The following ANKRD55 variants were observed in gnomAD, a reference collection of about 807,000 sequenced individuals.
ANKRD55 encodes the protein ankyrin repeat domain-containing protein 55.
Under a neutral mutation model 60.6 loss-of-function variants are expected in ANKRD55, and 41 were observed. That is an observed-to-expected ratio of 0.68 (90% CI 0.53 to 0.88). ANKRD55 has a LOEUF of 0.88. Among genes scored for constraint, ANKRD55 ranks in the 40% least tolerant of loss-of-function variants. The pLI, the probability that ANKRD55 is intolerant of heterozygous loss-of-function variation, is 0.00. For missense variants in ANKRD55, 732 were observed against 767.6 expected, an observed-to-expected ratio of 0.95 and a Z score of 0.55; for synonymous variants, 264 against 290.3, an observed-to-expected ratio of 0.91 and a Z score of 0.92.
chr5:56,129,567 A>C (rs1757355744), intron 7 of ANKRD55, among the ~76,000 whole-genome samples: 1 of 152,180 alleles, frequency 6.6e-6, no homozygotes, highest in Non-Finnish European at 1.5e-5. Flanking sequence ...TTAATGTGTA[A>C]TAATTTTGCT....
chr5:56,200,192 G>A (rs1024468251), intron 2 of ANKRD55, among the ~76,000 whole-genome samples: 2 of 151,774 alleles, frequency 1.3e-5, no homozygotes, highest in Non-Finnish European at 2.9e-5. Context: ...ATACTAAGGG[G>A]GTACACAGAG....
At chr5:56,186,093 C>T (rs1418135628) in intron 2 of ANKRD55, among the ~76,000 whole-genome samples, 1 of 152,228 alleles carries the variant, frequency 6.6e-6, no homozygotes, top group Non-Finnish European at 1.5e-5. Flanking sequence ...CAGACAACCT[C>T]AGTATCAGCT....
At chr5:56,144,049 G>T in intron 6 of ANKRD55, 120 bp from the exon 7 acceptor site, 3 of 1,289,030 alleles carry the variant, frequency 2.3e-6, no homozygotes, top group Non-Finnish European at 3.3e-6. Flanking sequence ...GTTTCCTGCT[G>T]GTTCATTCAT....
At chr5:56,162,180 T>G (rs1758349507) in intron 5 of ANKRD55, 1 of 267,816 alleles carries the variant, frequency 3.7e-6, no homozygotes, top group Non-Finnish European at 5.7e-6. Flanking sequence ...CCAGACAGGA[T>G]CTTCTGGGGC....
intron 2 of ANKRD55, among the ~76,000 whole-genome samples, chr5:56,221,022 G>A (rs1332776637): frequency 6.6e-6 from 1 of 152,124 alleles, no homozygotes; most frequent in Admixed American, 6.5e-5. Context: ...TTTGCATCTT[G>A]TCTTTATTTA....
At chr5:56,122,177 T>C (rs1757083598) in intron 8 of ANKRD55, among the ~76,000 whole-genome samples, 1 of 151,968 alleles carries the variant, frequency 6.6e-6, no homozygotes, top group Non-Finnish European at 1.5e-5. Flanking sequence ...GCTCTGTGCC[T>C]ATGCATTATT....
intron 7 of ANKRD55, among the ~76,000 whole-genome samples, chr5:56,138,434 A>G (rs1470360356): frequency 6.6e-6 from 1 of 152,120 alleles, no homozygotes; most frequent in Admixed American, 6.6e-5. Context: ...TCATTTTGGT[A>G]GTTTCTTACA....
intron 2 of ANKRD55, among the ~76,000 whole-genome samples, chr5:56,184,678 G>C (rs900162023): frequency 2.7e-4 from 41 of 151,986 alleles, no homozygotes; most frequent in African/African-American, 9.7e-4. Flanking sequence ...TGGGAGGATG[G>C]CTTGAGCCCA....
At chr5:56,148,205 A>G in intron 6 of ANKRD55, among the ~76,000 whole-genome samples, 1 of 152,220 alleles carries the variant, frequency 6.6e-6, no homozygotes, top group East Asian at 1.9e-4. Context: ...TAAGACAGCC[A>G]TCTGTGTCCA....
At chr5:56,128,704 T>C (rs1389301731) in intron 7 of ANKRD55, among the ~76,000 whole-genome samples, 1 of 152,194 alleles carries the variant, frequency 6.6e-6, no homozygotes, top group Non-Finnish European at 1.5e-5. Context: ...TACTAACTCA[T>C]GAACAACAAT....
At chr5:56,208,836 A>G (rs1230686696) in intron 2 of ANKRD55, among the ~76,000 whole-genome samples, 1 of 152,228 alleles carries the variant, frequency 6.6e-6, no homozygotes, top group Non-Finnish European at 1.5e-5. Context: ...TACGATATCA[A>G]TAGGTGACAG....
chr5:56,183,498 C>T lies in ANKRD55; in HGVS notation c.181+14G>A. The T allele has an allele frequency of 6.2e-7, 1 of 1,613,098 alleles. No individual in the cohort carries two copies. Among genetic ancestry groups the T allele is most frequent in the Non-Finnish European group, 8.5e-7 (1 of 1,179,630 alleles). ...AGCAGAACATTCTGGATTCAAAATG[C>T]ATACATATCTCACCTTCACTGTCAC... is the stretch of plus-strand genomic sequence containing the variant. On this transcript the variant is annotated intron_variant, in intron 3 of 11. Transcript: ENST00000341048.
intron 2 of ANKRD55, among the ~76,000 whole-genome samples, chr5:56,225,684 C>A (rs938760787): frequency 3.9e-5 from 6 of 152,130 alleles, no homozygotes; most frequent in Non-Finnish European, 8.8e-5. Context: ...TTCTTATACA[C>A]CAACAACAGA....
At chr5:56,198,722 C>G (rs998089537) in intron 2 of ANKRD55, among the ~76,000 whole-genome samples, 1 of 152,146 alleles carries the variant, frequency 6.6e-6, no homozygotes, top group African/African-American at 2.4e-5. Context: ...CTGAAGCAAT[C>G]TGGGAGACAA....
At chr5:56,149,461 G>A (rs2111771900) in intron 6 of ANKRD55, among the ~76,000 whole-genome samples, 2 of 152,278 alleles carry the variant, frequency 1.3e-5, no homozygotes, top group East Asian at 3.9e-4. Context: ...TAGAAGTCTA[G>A]GAGCCAATTC....
rs559855827 is a variant in ANKRD55, at chr5:56,199,613, T to G, written c.59-15979A>C. ...AAAAAAAAAAAACTTGGGTGTGGCT[T>G]GGTTTGGTGGCTCACGCCTGTAATC... is the stretch of plus-strand genomic sequence containing the variant. On this transcript the variant is annotated intron_variant, in intron 2 of 11. Transcript: ENST00000341048. 7.1e-3 allele frequency among the ~76,000 whole-genome samples: 1,078 copies of G among 150,838 alleles called. 13 individuals are homozygous for G. The highest frequency in any genetic ancestry group is 0.025 in the African/African-American group (1,031 of 41,100).
intron 2 of ANKRD55, among the ~76,000 whole-genome samples, chr5:56,187,659 G>T (rs1759003976): frequency 6.6e-6 from 1 of 152,206 alleles, no homozygotes; most frequent in South Asian, 2.1e-4. Context: ...GCTCCCAATC[G>T]GGCTAAAGGC....
intron 3 of ANKRD55, among the ~76,000 whole-genome samples, chr5:56,179,311 C>A (rs544720420): frequency 2.8e-4 from 43 of 151,940 alleles, no homozygotes; most frequent in Admixed American, 7.9e-4. Flanking sequence ...TTTTATAAAT[C>A]AAAATAACAA....
intron 2 of ANKRD55, among the ~76,000 whole-genome samples, chr5:56,186,132 C>T (rs563172826): frequency 1.3e-5 from 2 of 152,000 alleles, no homozygotes; most frequent in Non-Finnish European, 2.9e-5. Context: ...GGATTTGGAC[C>T]GTCCCCTCTC....
Sources: allele counts gnomAD v4.1 joint callset (sites outside exome capture counted in the v4.1 genomes callset), GRCh38; gene constraint gnomAD v4.1.1; transcripts MANE v1.5; gene names NCBI Gene and HGNC (gene_info 2026-07-23, HGNC 2026-07-21).